EML6: variants seen among roughly 807,000 people sequenced by gnomAD.
EML6 encodes EMAP like 6.
EML6 carries 154 observed loss-of-function variants against 240.1 expected under a neutral mutation model. That is an observed-to-expected ratio of 0.64 (90% CI 0.56 to 0.73). The LOEUF is 0.73. Ranked by LOEUF, EML6 falls within the 30% of genes least tolerant of loss-of-function variation. The pLI, the probability that EML6 is intolerant of heterozygous loss-of-function variation, is 0.00. For missense variants in EML6, 2,964 were observed against 2,474.6 expected (o/e 1.20, Z -4.20); for synonymous variants, 1,148 against 899.0 (o/e 1.28, Z -4.95).
intron 2 of EML6, among the ~76,000 whole-genome samples, chr2:54,763,781 G>A (rs915129704): frequency 6.6e-6 from 1 of 152,188 alleles, no homozygotes; most frequent in African/African-American, 2.4e-5. Flanking sequence ...GGCCTGGCAG[G>A]GTAGGGTGAG....
intron 28 of EML6, among the ~76,000 whole-genome samples, chr2:54,946,781 G>A (rs191952389): frequency 1.2e-3 from 184 of 152,220 alleles, no homozygotes; most frequent in African/African-American, 4.3e-3. Context: ...CTTAAAATCC[G>A]CTGAATTTGC....
intron 25 of EML6, among the ~76,000 whole-genome samples, chr2:54,915,517 C>T (rs1328525200): frequency 2.6e-5 from 4 of 152,092 alleles, no homozygotes; most frequent in Non-Finnish European, 5.9e-5. Flanking sequence ...CTGGGGGAAC[C>T]ACCTTGAGTC....
In EML6 at chr2:54,854,517, C is replaced by G. The variant is rs113946120; in HGVS notation, c.1657+662C>G. Among the ~76,000 whole-genome samples the G allele has an allele frequency of 5.6e-3, 850 of 152,338 alleles. 12 individuals are homozygous for G. Among genetic ancestry groups the G allele is most frequent in the African/African-American group, 0.02 (815 of 41,578 alleles). ...TGCAAGTTTAGGCAAAGCCCATATT[C>G]AGGCTCTTCTGAGACTCCTCAACTG... On this transcript the variant is annotated intron_variant, in intron 11 of 41. Coordinates refer to ENST00000356458, the MANE Select transcript of EML6 (RefSeq NM_001039753.4).
intron 2 of EML6, among the ~76,000 whole-genome samples, chr2:54,730,729 T>A (rs886341370): frequency 2.6e-5 from 4 of 152,254 alleles, no homozygotes; most frequent in African/African-American, 9.6e-5. Context: ...ATTGCTCTTC[T>A]TATTAATAAA....
intron 5 of EML6, among the ~76,000 whole-genome samples, chr2:54,823,870 C>CTCTCTCTCTCTCTCTCTCTCTCTCTCTT (rs70944189): frequency 6.8e-6 from 1 of 146,496 alleles, no homozygotes; most frequent in African/African-American, 2.6e-5. Context: ...CTCTCTCTCT[C>CTCTCTCTCTCTCTCTCTCTCTCTCTCTT]TCTCTCTTTC....
chr2:54,844,057 C>T lies in EML6; in HGVS notation c.858C>T (p.Ile286=), dbSNP rs1433550050. ...ACTTATTTTTGTCAGGCCTCTCTAT[C>T]CGGAGCGTGTGCTGGAAAGCAGACC... ...ETEQGYKGLS[I]RSVCWKADRL... is the part of the protein sequence containing the mutation. Residue 286 remains isoleucine (I), a synonymous_variant, in exon 8 of 42, where the codon ATC becomes ATT. Transcript: ENST00000356458. 2 of 1,550,170 alleles carry T rather than the reference C, an allele frequency of 1.3e-6. No individual in the cohort carries two copies. Among genetic ancestry groups the T allele is most frequent in the East Asian group, 2.4e-5 (1 of 40,850 alleles).
At chr2:54,879,431 C>T (rs1288013365) in intron 16 of EML6, 116 bp from the exon 17 acceptor site, 3 of 681,774 alleles carry the variant, frequency 4.4e-6, no homozygotes, top group East Asian at 2.7e-5. Context: ...CTATCACATC[C>T]ATCACCTCAA....
chr2:54,844,040 T>C lies in EML6; in HGVS notation c.848-7T>C. The C allele has an allele frequency of 1.4e-5, 22 of 1,549,986 alleles. No homozygotes were observed. The highest frequency in any genetic ancestry group is 1.8e-5 in the Non-Finnish European group (21 of 1,146,128). Reference sequence around the variant, plus strand: ...AGATTTGCTTTTGTTTTACTTATTTTTGTCAGGCCTCTCTATCCGGAGCGT... The same window carrying C: ...AGATTTGCTTTTGTTTTACTTATTTCTGTCAGGCCTCTCTATCCGGAGCGT... On this transcript the variant is annotated splice_region_variant and splice_polypyrimidine_tract_variant and intron_variant, in intron 7 of 41. Transcript: ENST00000356458.
At chr2:54,840,802 C>A (rs1007092479) in intron 7 of EML6, among the ~76,000 whole-genome samples, 2 of 152,214 alleles carry the variant, frequency 1.3e-5, no homozygotes, top group African/African-American at 4.8e-5. Context: ...ACAGACCTTT[C>A]TATTCTACTG....
Position 54,841,443 on chromosome 2 carries a change from C to G in EML6, c.848-2604C>G, listed in dbSNP as rs118100503. On this transcript the variant is annotated intron_variant, in intron 7 of 41. Transcript: ENST00000356458. ...CTTATGCCTTGAAAAACTACTTTCT[C>G]TTAATAAATGCATTTATCTCATTGG... 2.7e-4 allele frequency among the ~76,000 whole-genome samples: 41 copies of G among 152,268 alleles called. No individual in the cohort carries two copies. The East Asian group carries it at 6.4e-3, about 24-fold the overall frequency.
intron 2 of EML6, among the ~76,000 whole-genome samples, chr2:54,809,296 A>G (rs548485086): frequency 1.3e-5 from 2 of 152,312 alleles, no homozygotes; most frequent in South Asian, 4.1e-4. Context: ...CAGTCATAAC[A>G]TGGTAAAGAA....
At chr2:54,936,834 G>A (rs1675157773) in intron 28 of EML6, among the ~76,000 whole-genome samples, 1 of 152,108 alleles carries the variant, frequency 6.6e-6, no homozygotes, top group South Asian at 2.1e-4. Flanking sequence ...TTTCTTACCT[G>A]AGAAGCTGCA....
rs1445084000 is a variant in EML6 at position 54,774,900 on chromosome 2, A to G, written c.198-38332A>G. Reference sequence around the variant, plus strand: ...CTTTGTTTTTCACCCAAGTGGAAATACAGAAAGTGCTTACAACATGTAAAA... The same window carrying G: ...CTTTGTTTTTCACCCAAGTGGAAATGCAGAAAGTGCTTACAACATGTAAAA... On this transcript the variant is annotated intron_variant, in intron 2 of 41. Coordinates refer to ENST00000356458, the MANE Select transcript of EML6 (RefSeq NM_001039753.4). This position sits in a 1 kb window ranked among gnomAD's most constrained non-coding sequence, Gnocchi z 4.1. 6.6e-6 allele frequency among the ~76,000 whole-genome samples: 1 copy of G among 152,282 alleles called. No individual in the cohort carries two copies. Among genetic ancestry groups the G allele is most frequent in the Non-Finnish European group, 1.5e-5 (1 of 68,052 alleles).
intron 31 of EML6, 37 bp from the exon 32 acceptor site, chr2:54,953,946 T>G: frequency 6.7e-7 from 1 of 1,499,564 alleles, no homozygotes; most frequent in Non-Finnish European, 9.0e-7. Context: ...CTGCCATTTG[T>G]CAGCCTTACT....
At position 54,970,143 on chromosome 2, in the gene EML6, A is replaced by AACTGC. The variant is rs1200186942; in HGVS notation, c.*50_*54dup. ...ATTGCTGCTGCTGCTACCAGCCAGC[A>AACTGC]ACTGCAGAGGCCATGCTGAGGTGCC... On this transcript the variant is annotated 3_prime_UTR_variant, in exon 42 of 42. Coordinates refer to ENST00000356458, the MANE Select transcript of EML6 (RefSeq NM_001039753.4). 1.3e-6 allele frequency: 2 copies of AACTGC among 1,546,418 alleles called. No individual in the cohort carries two copies. The highest frequency in any genetic ancestry group is 1.8e-6 in the Non-Finnish European group (2 of 1,142,254).
intron 35 of EML6, 115 bp from the exon 36 acceptor site, chr2:54,962,408 A>T (rs897562887): frequency 5.3e-5 from 43 of 809,712 alleles, no homozygotes; most frequent in Non-Finnish European, 6.8e-5. Flanking sequence ...ACCCCCATTC[A>T]CCGGCAGTCA....
chr2:54,906,432 G>A (rs898409228), intron 24 of EML6, among the ~76,000 whole-genome samples: 3 of 152,252 alleles, frequency 2.0e-5, no homozygotes, highest in East Asian at 1.9e-4. Flanking sequence ...CCCTCGATAT[G>A]GAGCCATCAC....
chr2:54,955,090 C>A (rs757586634), intron 32 of EML6, among the ~76,000 whole-genome samples: 1 of 152,322 alleles, frequency 6.6e-6, no homozygotes. Context: ...TGTAATGATA[C>A]CATATTCCTT....
At chr2:54,892,865 C>T (rs950317252) in intron 19 of EML6, among the ~76,000 whole-genome samples, 2 of 152,160 alleles carry the variant, frequency 1.3e-5, no homozygotes, top group Non-Finnish European at 2.9e-5. Flanking sequence ...TATGCAACTT[C>T]TCTGCACTTT....
Sources: gnomAD v4.1 joint callset for allele counts (sites outside exome capture counted in the v4.1 genomes callset) on GRCh38, gnomAD v4.1.1 for gene constraint, Gnocchi (gnomAD v3.1) non-coding constraint, MANE v1.5 for transcripts, NCBI Gene and HGNC (gene_info 2026-07-23, HGNC 2026-07-21) for gene names.